Variants in CHODL observed in about 807,000 individuals in gnomAD.
The protein encoded by CHODL is chondrolectin, also known as transmembrane protein MT75.
In CHODL, 29 loss-of-function variants were observed where a neutral mutation model predicts 34.5. That is an observed-to-expected ratio of 0.84 (90% CI 0.63 to 1.15). The LOEUF is 1.15. CHODL is among the 50% of genes most tolerant of loss of function. The pLI is 0.00. For synonymous variants in CHODL, 125 were observed against 116.1 expected, an observed-to-expected ratio of 1.08 and a Z score of -0.49; for missense variants, 332 against 332.5, an observed-to-expected ratio of 1.00 and a Z score of 0.01.
intron 2 of CHODL, among the ~76,000 whole-genome samples, chr21:18,188,548 G>A (rs1267789073): frequency 6.6e-6 from 1 of 152,210 alleles, no homozygotes; most frequent in African/African-American, 2.4e-5. Flanking sequence ...AAAGAAGGAA[G>A]TAGTGCTACA....
chr21:18,165,859 ATTATT>A (rs1391370421), intron 2 of CHODL, among the ~76,000 whole-genome samples: 1 of 152,206 alleles, frequency 6.6e-6, no homozygotes, highest in Non-Finnish European at 1.5e-5. Flanking sequence ...CTGCTACACT[ATTATT>A]TTAAGATGAA....
chr21:18,160,337 T>C (rs1382260974), intron 2 of CHODL, among the ~76,000 whole-genome samples: 1 of 152,142 alleles, frequency 6.6e-6, no homozygotes, highest in African/African-American at 2.4e-5. Flanking sequence ...TTTCTCTTCT[T>C]TTTTTTAACT....
chr21:17,938,556 G>T (rs1418729113), intron 1 of CHODL, among the ~76,000 whole-genome samples: 2 of 125,158 alleles, frequency 1.6e-5, no homozygotes, highest in Non-Finnish European at 3.2e-5. Context: ...TCGGCTCACT[G>T]CAAGCTCCGC....
At chr21:18,110,320 A>G (rs1440750837) in intron 2 of CHODL, among the ~76,000 whole-genome samples, 1 of 152,110 alleles carries the variant, frequency 6.6e-6, no homozygotes, top group Non-Finnish European at 1.5e-5. Flanking sequence ...CACACTTTTC[A>G]TTGAGAGGTG....
intron 1 of CHODL, among the ~76,000 whole-genome samples, chr21:18,251,880 C>T (rs188609365): frequency 2.8e-4 from 42 of 150,916 alleles, no homozygotes; most frequent in African/African-American, 1.0e-3. Context: ...CCATGACACA[C>T]ATTTACCTAT....
chr21:17,989,402 A>G (rs1398132370), intron 1 of CHODL, among the ~76,000 whole-genome samples: 1 of 152,200 alleles, frequency 6.6e-6, no homozygotes, highest in African/African-American at 2.4e-5. Context: ...GGATATGAGC[A>G]TCTTAGGAGA....
Position 17,995,055 on chromosome 21 carries a change from G to A in CHODL, c.-144-32817G>A, listed in dbSNP as rs142741725. On this transcript the variant is annotated intron_variant, in intron 1 of 6. Transcript: ENST00000400127. The stretch of plus-strand genomic sequence containing the variant: ...GGGCCAGAGTGCTAGGGACCTGATC[G>A]CACCCCTTGATCCAGACAGCGTCAT... Among the ~76,000 whole-genome samples, 1,335 of 152,162 alleles carry A rather than the reference G, an allele frequency of 8.8e-3. 19 individuals carry two copies. The highest frequency in any genetic ancestry group is 0.03 in the African/African-American group (1,234 of 41,496).
At chr21:18,001,836 A>G (rs978476894) in intron 1 of CHODL, among the ~76,000 whole-genome samples, 27 of 151,298 alleles carry the variant, frequency 1.8e-4, no homozygotes, top group African/African-American at 6.3e-4. Flanking sequence ...ATGTCGTCAC[A>G]AAAGAAAAGC....
At chr21:18,145,388 G>A (rs1047227382) in intron 2 of CHODL, among the ~76,000 whole-genome samples, 2 of 129,846 alleles carry the variant, frequency 1.5e-5, no homozygotes, top group African/African-American at 6.1e-5. Context: ...AGTGAGCCAA[G>A]ATCGCGCCAC....
chr21:18,160,966 C>T (rs1213932356), intron 2 of CHODL, among the ~76,000 whole-genome samples: 1 of 152,110 alleles, frequency 6.6e-6, no homozygotes, highest in African/African-American at 2.4e-5. Flanking sequence ...ATAAGTGTTC[C>T]TTTTTCTCCA....
chr21:18,034,910 G>C (rs923086359), intron 2 of CHODL, among the ~76,000 whole-genome samples: 7 of 151,958 alleles, frequency 4.6e-5, no homozygotes, highest in Non-Finnish European at 1.0e-4. Flanking sequence ...AGTTCAGAGA[G>C]ACCTGGTTGC....
At chr21:18,069,075 T>A (rs1344386495) in intron 2 of CHODL, among the ~76,000 whole-genome samples, 1 of 152,216 alleles carries the variant, frequency 6.6e-6, no homozygotes, top group Non-Finnish European at 1.5e-5. Context: ...CAAATTTTTT[T>A]ATCTCAATTT....
intron 1 of CHODL, among the ~76,000 whole-genome samples, chr21:18,026,745 C>T (rs553364217): frequency 1.4e-4 from 21 of 152,264 alleles, no homozygotes; most frequent in African/African-American, 4.6e-4. Context: ...CACATGCAAT[C>T]CATTTGATTA....
intron 2 of CHODL, among the ~76,000 whole-genome samples, chr21:18,032,118 A>C (rs1428521760): frequency 6.6e-6 from 1 of 152,068 alleles, no homozygotes; most frequent in Non-Finnish European, 1.5e-5. Context: ...TTAGTTAGAG[A>C]GGAGAAATAA....
At chr21:18,230,334 GA>G (rs1199465466) in intron 2 of CHODL, among the ~76,000 whole-genome samples, 1 of 152,108 alleles carries the variant, frequency 6.6e-6, no homozygotes, top group Non-Finnish European at 1.5e-5. Flanking sequence ...AGACATAGAA[GA>G]GATGATTTTC....
chr21:18,241,030 G>A (rs2146771109), upstream of CHODL, among the ~76,000 whole-genome samples: 1 of 152,272 alleles, frequency 6.6e-6, no homozygotes, highest in South Asian at 2.1e-4. Flanking sequence ...GAGGAAGGTG[G>A]AACTGGCTCC....
At chr21:18,109,374 A>G (rs2033039474) in intron 2 of CHODL, among the ~76,000 whole-genome samples, 1 of 152,030 alleles carries the variant, frequency 6.6e-6, no homozygotes, top group Admixed American at 6.6e-5. Flanking sequence ...TCTAATCACC[A>G]TGGGGCTGCA....
chr21:17,976,025 G>T (rs1422867678), intron 1 of CHODL, among the ~76,000 whole-genome samples: 1 of 152,056 alleles, frequency 6.6e-6, no homozygotes, highest in Non-Finnish European at 1.5e-5. Context: ...TTAAGTTTCT[G>T]TGAGAAATAG....
At chr21:18,126,674 C>T (rs879462025) in intron 2 of CHODL, among the ~76,000 whole-genome samples, 1 of 151,678 alleles carries the variant, frequency 6.6e-6, no homozygotes, top group East Asian at 1.9e-4. Flanking sequence ...TTAATATCCT[C>T]GTATGACAGC....
Sources: gnomAD v4.1 joint callset for allele counts (sites outside exome capture counted in the v4.1 genomes callset) on GRCh38, gnomAD v4.1.1 for gene constraint, MANE v1.5 for transcripts, NCBI Gene and HGNC (gene_info 2026-07-23, HGNC 2026-07-21) for gene names.